The following MRPS31 variants were observed in gnomAD, a reference collection of about 807,000 sequenced individuals.
MRPS31 encodes the protein mitochondrial ribosomal protein S31.
A neutral mutation model predicts 43.1 loss-of-function variants in MRPS31; 32 were observed. The ratio of observed to expected loss-of-function variants is 0.74; its 90% CI spans 0.56 to 1.00. MRPS31 has a LOEUF of 1.00. Ranked by LOEUF, MRPS31 falls within the 50% of genes least tolerant of loss-of-function variation. The probability of loss-of-function intolerance (pLI) is 0.00; values close to 1 mark genes in which losing one functional copy is unlikely to be tolerated. For missense variants in MRPS31, 437 were observed against 466.7 expected (o/e 0.94, Z 0.59); for synonymous variants, 165 against 161.6 (o/e 1.02, Z -0.16).
intron 6 of MRPS31, among the ~76,000 whole-genome samples, chr13:40,737,810 C>T (rs1302748415): frequency 2.6e-5 from 4 of 151,452 alleles, no homozygotes; most frequent in African/African-American, 9.7e-5. Flanking sequence ...AAATTTATAG[C>T]ACTAAATGCC....
At chr13:40,733,574 G>C (rs560383959) in intron 6 of MRPS31, among the ~76,000 whole-genome samples, 10 of 152,174 alleles carry the variant, frequency 6.6e-5, no homozygotes, top group African/African-American at 2.2e-4. Flanking sequence ...ATATTATGAA[G>C]AGAAGATGCT....
At chr13:40,758,653 G>A (rs546017712) in intron 3 of MRPS31, among the ~76,000 whole-genome samples, 34 of 152,206 alleles carry the variant, frequency 2.2e-4, no homozygotes, top group African/African-American at 8.2e-4. Flanking sequence ...TCTCAGAGAA[G>A]CTACTTTATT....
rs1358426422 is a variant in MRPS31, at chr13:40,761,428, A to T, written c.441-2322T>A. ...TTCAAATTTTAATATATTTGATCAA[A>T]GTATACACAGAACATAGATGAATAT... On this transcript the variant is annotated intron_variant, in intron 2 of 6. Transcript: ENST00000323563. Among the ~76,000 whole-genome samples the T allele has an allele frequency of 4.6e-5, 7 of 152,358 alleles. No individual in the cohort carries two copies. The South Asian group carries it at 1.0e-3, about 23-fold the overall frequency.
chr13:40,761,442 A>G (rs1418829852), intron 2 of MRPS31, among the ~76,000 whole-genome samples: 1 of 152,224 alleles, frequency 6.6e-6, no homozygotes, highest in East Asian at 1.9e-4. Flanking sequence ...TACACAGAAC[A>G]TAGATGAATA....
rs562668424 is a variant in MRPS31 at position 40,759,674 on chromosome 13, A to C, written c.441-568T>G. Among the ~76,000 whole-genome samples, 20 of 152,316 alleles carry C rather than the reference A, an allele frequency of 1.3e-4. No homozygotes were observed. The South Asian group carries it at 3.7e-3, about 28-fold the overall frequency. ...TGGATATTTGCTGAAGCACAACACT[A>C]ACTCAGAACAATATATTAAGGTGGA... On this transcript the variant is annotated intron_variant, in intron 2 of 6. Coordinates refer to ENST00000323563, the MANE Select transcript of MRPS31 (RefSeq NM_005830.4).
chr13:40,750,277 T>A (rs935005948), intron 5 of MRPS31, among the ~76,000 whole-genome samples: 2 of 152,094 alleles, frequency 1.3e-5, no homozygotes, highest in Non-Finnish European at 2.9e-5. Context: ...TGCAAAGGAG[T>A]ATATACTATG....
At chr13:40,770,804 G>T in intron 1 of MRPS31, 181 bp downstream of exon 1, 4 of 707,324 alleles carry the variant, frequency 5.7e-6, no homozygotes, top group South Asian at 5.4e-5. Flanking sequence ...CAGCGACCAG[G>T]TTTGTAATCG....
In MRPS31 at chr13:40,729,467, T is replaced by G. The variant is rs920342140; in HGVS notation, c.1093A>C (p.Ser365Arg). ...TCGLSKNPYL[S>R]VKQKVEHIEW... is the part of the protein sequence containing the mutation. ...ATGTGTTCAACCTTCTGTTTAACAC[T>G]AAGATATGGGTTTTTGGAAAGGCCA... The change falls in exon 7 of 7, where the codon AGT becomes CGT. Residue 365 changes from serine (S) to arginine (R), a missense_variant. By Grantham distance (110) the Ser-to-Arg change is moderately radical. Coordinates refer to ENST00000323563, the MANE Select transcript of MRPS31 (RefSeq NM_005830.4). The G allele has an allele frequency of 6.2e-7, 1 of 1,611,648 alleles. No homozygotes were observed. The highest frequency in any genetic ancestry group is 1.7e-4 in the Middle Eastern group (1 of 6,058).
chr13:40,743,382 T>C (rs552574024), intron 6 of MRPS31, among the ~76,000 whole-genome samples: 23 of 150,772 alleles, frequency 1.5e-4, no homozygotes, highest in South Asian at 4.2e-4. Context: ...AAAGAGCTTC[T>C]GCACAGCAAA....
At chr13:40,759,504 T>G (rs1428154341) in intron 2 of MRPS31, among the ~76,000 whole-genome samples, 1 of 152,140 alleles carries the variant, frequency 6.6e-6, no homozygotes, top group Non-Finnish European at 1.5e-5. Flanking sequence ...TATTACACCA[T>G]TAGTTTAGTG....
chr13:40,733,774 CA>C (rs1395853766), intron 6 of MRPS31, among the ~76,000 whole-genome samples: 1 of 151,922 alleles, frequency 6.6e-6, no homozygotes, highest in Non-Finnish European at 1.5e-5. Flanking sequence ...AGTTCACGAC[CA>C]GCCTGGGTAA....
At chr13:40,744,053 C>T (rs1880174006) in intron 6 of MRPS31, among the ~76,000 whole-genome samples, 1 of 152,168 alleles carries the variant, frequency 6.6e-6, no homozygotes, top group Non-Finnish European at 1.5e-5. Context: ...TTTGCTGCAA[C>T]ATAGATGGAG....
chr13:40,730,753 G>T (rs1879663954), intron 6 of MRPS31, among the ~76,000 whole-genome samples: 2 of 151,580 alleles, frequency 1.3e-5, no homozygotes, highest in Middle Eastern at 3.2e-3. Flanking sequence ...TAGAGATGGG[G>T]TTTCACCATG....
chr13:40,770,722 A>G, intron 1 of MRPS31: 3 of 444,494 alleles, frequency 6.7e-6, no homozygotes, highest in Middle Eastern at 6.5e-4. Context: ...CTTGGGAGGC[A>G]AAAGATAAAA....
chr13:40,767,484 A>G (rs1318741661), intron 1 of MRPS31, among the ~76,000 whole-genome samples: 1 of 152,234 alleles, frequency 6.6e-6, no homozygotes, highest in Non-Finnish European at 1.5e-5. Context: ...TCTCATACCC[A>G]CATTAACTCC....
At chr13:40,748,444 G>A (rs1246987940) in intron 6 of MRPS31, among the ~76,000 whole-genome samples, 1 of 152,178 alleles carries the variant, frequency 6.6e-6, no homozygotes, top group East Asian at 1.9e-4. Flanking sequence ...GGCGTGAGCC[G>A]CACCCAGCCA....
At chr13:40,768,202 T>C (rs76957500) in intron 1 of MRPS31, among the ~76,000 whole-genome samples, 4,585 of 152,308 alleles carry the variant, frequency 0.03, 176 homozygotes, top group East Asian at 0.14. Flanking sequence ...TAAGAGGGTA[T>C]ATTAAAAAAT....
intron 6 of MRPS31, among the ~76,000 whole-genome samples, chr13:40,738,652 G>C (rs1161343854): frequency 6.6e-6 from 1 of 152,130 alleles, no homozygotes; most frequent in African/African-American, 2.4e-5. Context: ...ATCAATAAAT[G>C]TAATCCAGCA....
Position 40,729,460 on chromosome 13 carries a change from TTAACAC to T in MRPS31, c.1094_1099del (p.Ser365_Val366del). 1 of 1,610,104 alleles carries T rather than the reference TTAACAC, an allele frequency of 6.2e-7. No homozygotes were observed. Among genetic ancestry groups the T allele is most frequent in the Non-Finnish European group, 8.5e-7 (1 of 1,176,384 alleles). On this transcript the variant is annotated inframe_deletion, in exon 7 of 7. Transcript: ENST00000323563. The stretch of plus-strand genomic sequence containing the variant: ...CCACTCTATGTGTTCAACCTTCTGT[TTAACAC>T]TAAGATATGGGTTTTTGGAAAGGCC...
Sources: gnomAD v4.1 joint callset for allele counts (sites outside exome capture counted in the v4.1 genomes callset) on GRCh38, gnomAD v4.1.1 for gene constraint, MANE v1.5 for transcripts, NCBI Gene and HGNC (gene_info 2026-07-23, HGNC 2026-07-21) for gene names.